Variants in ADCY9 observed in about 807,000 individuals in gnomAD.
ADCY9 encodes adenylate cyclase type 9.
Under a neutral mutation model 101.5 loss-of-function variants are expected in ADCY9, and 50 were observed. The observed-to-expected ratio is 0.49, with a 90% CI of 0.39 to 0.62. The LOEUF (loss-of-function observed/expected upper bound fraction) is 0.62. ADCY9 is among the 20% of genes least tolerant of loss of function. The probability of loss-of-function intolerance (pLI) is 0.00; values close to 1 mark genes in which losing one functional copy is unlikely to be tolerated. For missense variants in ADCY9, 1,662 were observed against 1,800.4 expected, an observed-to-expected ratio of 0.92 and a Z score of 1.39; for synonymous variants, 905 against 769.3, an observed-to-expected ratio of 1.18 and a Z score of -2.92.
rs201643957 is a variant in ADCY9 at position 4,084,104 on chromosome 16, G to GTTTGT, written c.1693+29641_1693+29645dup. ...TTACATCTCAATAAAGCTTTCTTTT[G>GTTTGT]TTTGTTTTGTTTTGTTTTTGTTTTT... On this transcript the variant is annotated intron_variant, in intron 2 of 10. Transcript: ENST00000294016. Among the ~76,000 whole-genome samples, 75 of 151,846 alleles carry GTTTGT rather than the reference G, an allele frequency of 4.9e-4. No homozygotes were observed. The East Asian group carries it at 0.012, about 24-fold the overall frequency.
At chr16:4,041,533 CTCTT>C (rs2056626840) in intron 2 of ADCY9, among the ~76,000 whole-genome samples, 2 of 145,854 alleles carry the variant, frequency 1.4e-5, no homozygotes, top group African/African-American at 5.1e-5. Flanking sequence ...AAAAAAGAGG[CTCTT>C]TCTAAACTTT....
Position 3,966,784 on chromosome 16 carries a change from C to T in ADCY9, c.3053G>A (p.Arg1018His), listed in dbSNP as rs772154703. The T allele has an allele frequency of 7.4e-6, 12 of 1,614,066 alleles. No homozygotes were observed. The highest frequency in any genetic ancestry group is 1.6e-4 in the Middle Eastern group (1 of 6,082). The part of the protein sequence containing the change: ...YHGDVEADLH[R>H]TKIQSMRDQA... ...GTCCCGCATGCTCTGGATCTTGGTG[C>T]GGTGAAGATCCGCTTCCACGTCTCC... The change falls in exon 11 of 11, where the codon CGC (arginine) becomes CAC (histidine). Residue 1018 changes from arginine to histidine, a missense_variant. Coordinates refer to ENST00000294016, the MANE Select transcript of ADCY9 (RefSeq NM_001116.4).
intron 7 of ADCY9, among the ~76,000 whole-genome samples, chr16:3,980,170 C>T (rs1032499512): frequency 2.6e-5 from 4 of 152,362 alleles, no homozygotes; most frequent in Non-Finnish European, 4.4e-5. Flanking sequence ...TCCAGCACCA[C>T]GTATTTCATT....
intron 6 of ADCY9, among the ~76,000 whole-genome samples, chr16:3,987,320 C>T (rs896812880): frequency 3.9e-5 from 6 of 152,208 alleles, no homozygotes; most frequent in South Asian, 2.1e-4. Context: ...AGAGGCTGAG[C>T]GTACATTTGG....
At chr16:4,099,093 C>T (rs893006295) in intron 2 of ADCY9, among the ~76,000 whole-genome samples, 6 of 151,970 alleles carry the variant, frequency 3.9e-5, no homozygotes, top group African/African-American at 9.7e-5. Flanking sequence ...CCACGACACC[C>T]GGCTAATTTT....
At chr16:4,020,922 T>C (rs569853568) in intron 2 of ADCY9, among the ~76,000 whole-genome samples, 18 of 152,232 alleles carry the variant, frequency 1.2e-4, no homozygotes, top group African/African-American at 3.6e-4. Context: ...CTGGAAACAT[T>C]TGAACGTTTT....
At chr16:4,014,089 C>T (rs1294509482) in intron 2 of ADCY9, among the ~76,000 whole-genome samples, 1 of 152,088 alleles carries the variant, frequency 6.6e-6, no homozygotes. Flanking sequence ...GAGGCCGAGA[C>T]GGGAGCATCA....
At chr16:3,956,569 A>C (rs910704352) in intron 5 of ADCY9, among the ~76,000 whole-genome samples, 4 of 135,780 alleles carry the variant, frequency 2.9e-5, no homozygotes, top group African/African-American at 1.1e-4. Context: ...TGGCTCACTG[A>C]AACCTCTGTC....
At chr16:4,106,843 A>G (rs2034768671) in intron 2 of ADCY9, among the ~76,000 whole-genome samples, 2 of 152,332 alleles carry the variant, frequency 1.3e-5, no homozygotes, top group African/African-American at 2.4e-5. Context: ...ATGCAGAAAC[A>G]TAATTACTAT....
intron 6 of ADCY9, chr16:3,983,926 C>CA (rs1300990546): frequency 1.3e-5 from 2 of 155,382 alleles, no homozygotes; most frequent in Non-Finnish European, 2.8e-5. Flanking sequence ...CCCCGTCTAC[C>CA]AAAAAATAAA....
rs549880761 is a variant in ADCY9, at chr16:4,054,950, C to A, written c.1694-47392G>T. ...ACCACTCGAGATTTTAGGGTTTTTG[C>A]GGGTTTTACATCAGTAGATCATGAA... On this transcript the variant is annotated intron_variant, in intron 2 of 10. Transcript: ENST00000294016. Among the ~76,000 whole-genome samples, 3 of 152,248 alleles carry A rather than the reference C, an allele frequency of 2.0e-5. No individual in the cohort carries two copies. The South Asian group carries it at 6.2e-4, about 32-fold the overall frequency.
chr16:4,115,138 T>A lies in ADCY9; in HGVS notation c.305A>T (p.Glu102Val), dbSNP rs755373968. Residue 102 changes from glutamate to valine, a missense_variant, in exon 2 of 11, where the codon GAG (glutamate) becomes GTG (valine). This residue lies in a region of ADCY9 where 422 missense variants were observed against 392.0 expected (regional missense o/e 1.08). Coordinates refer to ENST00000294016, the MANE Select transcript of ADCY9 (RefSeq NM_001116.4). The surrounding 1 kb of genome is among the most constrained non-coding windows in gnomAD (Gnocchi z 6.2). Reference sequence around the variant, plus strand: ...CGGGAAGCAGCGCTCCAGGCAGGCCTCCTCCAGGTTCACCGAGTCGAACTT... The same window carrying A: ...CGGGAAGCAGCGCTCCAGGCAGGCCACCTCCAGGTTCACCGAGTCGAACTT... ...DPKFDSVNLEEACLERCFPQT... is the reference protein window; with the variant it reads ...DPKFDSVNLEVACLERCFPQT... 6.2e-7 allele frequency: 1 copy of A among 1,613,840 alleles called. No homozygotes were observed. The highest frequency in any genetic ancestry group is 8.5e-7 in the Non-Finnish European group (1 of 1,180,034).
At chr16:4,064,516 G>A (rs544582136) in intron 2 of ADCY9, among the ~76,000 whole-genome samples, 5 of 151,936 alleles carry the variant, frequency 3.3e-5, no homozygotes, top group Non-Finnish European at 7.4e-5. Flanking sequence ...TCTGTCACTC[G>A]GGCTGGAGTA....
intron 2 of ADCY9, among the ~76,000 whole-genome samples, chr16:4,038,142 GTGGTGGCACACGCC>G (rs1417212021): frequency 5.3e-5 from 8 of 152,208 alleles, no homozygotes; most frequent in Non-Finnish European, 7.4e-5. Context: ...TGAGCCAGAC[GTGGTGGCACACGCC>G]TGTGGTCTCA....
At chr16:4,031,757 G>C (rs1412594197) in intron 2 of ADCY9, among the ~76,000 whole-genome samples, 1 of 151,836 alleles carries the variant, frequency 6.6e-6, no homozygotes, top group Non-Finnish European at 1.5e-5. Context: ...CACACCTGTA[G>C]TTCCAGTTCC....
intron 6 of ADCY9, among the ~76,000 whole-genome samples, chr16:3,987,445 C>T (rs1229999775): frequency 6.6e-6 from 1 of 152,230 alleles, no homozygotes; most frequent in Non-Finnish European, 1.5e-5. Context: ...CCGACCCCGG[C>T]TATGGGACCA....
At chr16:4,050,655 GT>G (rs1338785568) in intron 2 of ADCY9, among the ~76,000 whole-genome samples, 1 of 141,414 alleles carries the variant, frequency 7.1e-6, no homozygotes, top group East Asian at 2.2e-4. Flanking sequence ...AGAGGTTGCG[GT>G]GAGCCAAGTT....
At chr16:4,055,004 G>A (rs2141153838) in intron 2 of ADCY9, among the ~76,000 whole-genome samples, 1 of 152,222 alleles carries the variant, frequency 6.6e-6, no homozygotes, top group South Asian at 2.1e-4. Context: ...TTATGTAAAT[G>A]AAATTCAACA....
chr16:3,975,009 G>A (rs997919631), intron 9 of ADCY9, among the ~76,000 whole-genome samples: 2 of 152,090 alleles, frequency 1.3e-5, no homozygotes, highest in Admixed American at 1.3e-4. Flanking sequence ...GAGGAGTTCT[G>A]GGCCGAGTGG....
Sources: gnomAD v4.1 joint callset for allele counts (sites outside exome capture counted in the v4.1 genomes callset) on GRCh38, gnomAD v4.1.1 for gene constraint, gnomAD v4.1.1 regional missense constraint, Gnocchi (gnomAD v3.1) non-coding constraint, MANE v1.5 for transcripts, NCBI Gene and HGNC (gene_info 2026-07-23, HGNC 2026-07-21) for gene names.